CD2AP: variants seen among roughly 807,000 people sequenced by gnomAD.
CD2AP encodes CD2-associated protein.
A neutral mutation model predicts 85.1 loss-of-function variants in CD2AP; 46 were observed. That is an observed-to-expected ratio of 0.54 (90% CI 0.43 to 0.69). CD2AP has a LOEUF of 0.69. Among genes scored for constraint, CD2AP ranks in the 30% least tolerant of loss-of-function variants. The pLI, the probability that CD2AP is intolerant of heterozygous loss-of-function variation, is 0.00. For synonymous variants in CD2AP, 255 were observed against 252.9 expected, an observed-to-expected ratio of 1.01 and a Z score of -0.08; for missense variants, 769 against 729.5, an observed-to-expected ratio of 1.05 and a Z score of -0.62.
chr6:47,554,774 A>G lies in CD2AP; in HGVS notation c.541+8A>G, dbSNP rs1181851409. 1.3e-6 allele frequency: 2 copies of G among 1,593,122 alleles called. No individual in the cohort carries two copies. Among genetic ancestry groups the G allele is most frequent in the Non-Finnish European group, 1.7e-6 (2 of 1,168,120 alleles). On this transcript the variant is annotated splice_region_variant and intron_variant, in intron 5 of 17. Coordinates refer to ENST00000359314, the MANE Select transcript of CD2AP (RefSeq NM_012120.3). ...AAGCCCAGGACGATTCAGGTAGACT[A>G]TTTTTTAAAATTTTTAATTGATTTA...
chr6:47,525,547 C>A (rs1766698500), intron 2 of CD2AP, among the ~76,000 whole-genome samples: 1 of 152,118 alleles, frequency 6.6e-6, no homozygotes, highest in African/African-American at 2.4e-5. Flanking sequence ...ATAATGGCCA[C>A]AGCCATGATT....
Position 47,625,734 on chromosome 6 carries a change from T to C in CD2AP, c.*1507T>C, listed in dbSNP as rs1582639477. 5 of 151,826 alleles carry C rather than the reference T, an allele frequency of 3.3e-5. No individual in the cohort carries two copies. Among genetic ancestry groups the C allele is most frequent in the Admixed American group, 3.3e-4 (5 of 15,226 alleles). 9.4% of individuals were successfully genotyped at this position (151,826 alleles called of 1,614,324 possible). A position where few individuals can be genotyped will look rare whatever the true frequency, so the allele number is the denominator to read the frequency against. ...ATAGAAATCTTATGTAAATGAAATT[T>C]TGTCATGTTTCAAATAAAGAGAACT... is the stretch of plus-strand genomic sequence containing the variant. On this transcript the variant is annotated 3_prime_UTR_variant, in exon 18 of 18. Coordinates refer to ENST00000359314, the MANE Select transcript of CD2AP (RefSeq NM_012120.3).
chr6:47,587,640 C>A (rs561440440), intron 11 of CD2AP, among the ~76,000 whole-genome samples: 5 of 152,052 alleles, frequency 3.3e-5, no homozygotes, highest in Admixed American at 6.6e-5. Flanking sequence ...CAGTAAGATA[C>A]TCATCATGTC....
At chr6:47,559,386 G>T (rs1039586041) in intron 5 of CD2AP, among the ~76,000 whole-genome samples, 2 of 151,588 alleles carry the variant, frequency 1.3e-5, no homozygotes, top group Non-Finnish European at 2.9e-5. Context: ...AGCCTGCCAA[G>T]TAGCTGGGAC....
At chr6:47,619,435 A>G (rs1769686479) in intron 17 of CD2AP, among the ~76,000 whole-genome samples, 1 of 152,176 alleles carries the variant, frequency 6.6e-6, no homozygotes, top group Non-Finnish European at 1.5e-5. Flanking sequence ...GTATTCCATC[A>G]TATACATCAC....
intron 1 of CD2AP, among the ~76,000 whole-genome samples, chr6:47,500,008 C>T (rs1340309998): frequency 3.3e-5 from 5 of 152,128 alleles, no homozygotes; most frequent in Admixed American, 6.5e-5. Context: ...GGATTACAGG[C>T]GTGAGCCACT....
intron 9 of CD2AP, 118 bp from the exon 10 acceptor site, chr6:47,580,746 A>G (rs372124604): frequency 6.1e-5 from 44 of 727,210 alleles, no homozygotes; most frequent in Middle Eastern, 3.4e-4. Flanking sequence ...ATATTTTGTC[A>G]AGGATTGAAT....
intron 8 of CD2AP, among the ~76,000 whole-genome samples, chr6:47,577,637 C>T (rs1768349323): frequency 6.6e-6 from 1 of 152,202 alleles, no homozygotes; most frequent in African/African-American, 2.4e-5. Context: ...CCCAGTACTA[C>T]TTGTGTGTGG....
intron 17 of CD2AP, among the ~76,000 whole-genome samples, chr6:47,621,475 G>T (rs1391481200): frequency 6.6e-6 from 1 of 152,132 alleles, no homozygotes; most frequent in Non-Finnish European, 1.5e-5. Flanking sequence ...TAACATCTGT[G>T]TTCATCAAAG....
At chr6:47,609,468 G>A (rs545030715) in intron 16 of CD2AP, 164 bp downstream of exon 16, 2 of 531,952 alleles carry the variant, frequency 3.8e-6, no homozygotes, top group Admixed American at 2.7e-5. Flanking sequence ...CTTGAGTCCA[G>A]GAGTTCGAGA....
At chr6:47,561,946 T>G (rs185358147) in intron 5 of CD2AP, among the ~76,000 whole-genome samples, 20 of 152,298 alleles carry the variant, frequency 1.3e-4, no homozygotes, top group Admixed American at 5.2e-4. Flanking sequence ...TTTTTTTGTA[T>G]TTTTAGTAGT....
At chr6:47,521,057 A>AT (rs996321272) in intron 2 of CD2AP, among the ~76,000 whole-genome samples, 3 of 151,872 alleles carry the variant, frequency 2.0e-5, no homozygotes, top group African/African-American at 7.3e-5. Context: ...TTATTTATTT[A>AT]TTTTTTACAT....
intron 13 of CD2AP, among the ~76,000 whole-genome samples, chr6:47,600,860 C>T (rs1274059337): frequency 6.6e-6 from 1 of 151,708 alleles, no homozygotes; most frequent in Non-Finnish European, 1.5e-5. Context: ...AATTTTAACT[C>T]TGGAAACAAA....
chr6:47,580,367 CTT>C (rs915003594), intron 9 of CD2AP, among the ~76,000 whole-genome samples: 8 of 152,146 alleles, frequency 5.3e-5, no homozygotes, highest in African/African-American at 1.9e-4. Context: ...AAAAACATGT[CTT>C]TGCCTTTAAC....
intron 17 of CD2AP, among the ~76,000 whole-genome samples, chr6:47,614,103 C>T (rs1487669783): frequency 2.0e-5 from 3 of 152,180 alleles, no homozygotes; most frequent in Non-Finnish European, 2.9e-5. Context: ...GCTATCTAGA[C>T]CACTCAAACT....
intron 5 of CD2AP, among the ~76,000 whole-genome samples, chr6:47,571,590 A>G (rs544212851): frequency 1.3e-5 from 2 of 152,318 alleles, no homozygotes; most frequent in African/African-American, 4.8e-5. Context: ...TAGAGAGCGC[A>G]CCAGAACTGT....
At chr6:47,490,615 A>G (rs1765709421) in intron 1 of CD2AP, among the ~76,000 whole-genome samples, 1 of 151,982 alleles carries the variant, frequency 6.6e-6, no homozygotes, top group Non-Finnish European at 1.5e-5. Context: ...TGTTTTTAGA[A>G]CTGTCTCAGG....
chr6:47,539,543 T>C (rs1767149575), intron 3 of CD2AP, among the ~76,000 whole-genome samples: 1 of 152,240 alleles, frequency 6.6e-6, no homozygotes, highest in Non-Finnish European at 1.5e-5. Flanking sequence ...AGTGGAAAGA[T>C]AGAAGGCTTA....
chr6:47,547,261 T>C (rs1358500307), intron 4 of CD2AP, among the ~76,000 whole-genome samples: 2 of 152,124 alleles, frequency 1.3e-5, no homozygotes, highest in South Asian at 2.1e-4. Flanking sequence ...AATTGCAGAA[T>C]GGACAGGAAT....
Sources: gnomAD v4.1 joint callset for allele counts (sites outside exome capture counted in the v4.1 genomes callset) on GRCh38, gnomAD v4.1.1 for gene constraint, MANE v1.5 for transcripts, NCBI Gene and HGNC (gene_info 2026-07-23, HGNC 2026-07-21) for gene names.